OPCML: variants seen among roughly 807,000 people sequenced by gnomAD.
OPCML encodes opioid binding protein/cell adhesion molecule like.
OPCML carries 13 observed loss-of-function variants against 37.8 expected under a neutral mutation model. That is an observed-to-expected ratio of 0.34 (90% confidence interval 0.22 to 0.55). The LOEUF is 0.55. OPCML is among the 20% of genes least tolerant of loss of function. The probability of loss-of-function intolerance (pLI) is 0.91; values close to 1 mark genes in which losing one functional copy is unlikely to be tolerated. For missense variants in OPCML, 341 were observed against 435.6 expected (o/e 0.78, Z 1.93); for synonymous variants, 176 against 168.8 (o/e 1.04, Z -0.33).
At chr11:133,307,949 T>G in intron 1 of OPCML, among the ~76,000 whole-genome samples, 1 of 152,064 alleles carries the variant, frequency 6.6e-6, no homozygotes, top group Admixed American at 6.6e-5. Context: ...TTTTTTTAAG[T>G]CAATGAACAT....
chr11:133,051,465 C>T (rs1948130641), intron 1 of OPCML, among the ~76,000 whole-genome samples: 4 of 152,150 alleles, frequency 2.6e-5, no homozygotes, highest in Admixed American at 2.6e-4. Context: ...TCAGGGTACT[C>T]ACTACACTAT....
chr11:133,355,712 G>T (rs947558310), intron 1 of OPCML, among the ~76,000 whole-genome samples: 1 of 152,166 alleles, frequency 6.6e-6, no homozygotes, highest in Non-Finnish European at 1.5e-5. Context: ...TAATTCCAGT[G>T]GTTCAATCTG....
intron 1 of OPCML, among the ~76,000 whole-genome samples, chr11:133,183,352 C>T (rs1334448751): frequency 2.0e-5 from 3 of 152,186 alleles, no homozygotes; most frequent in African/African-American, 7.2e-5. Flanking sequence ...AGTTACATCT[C>T]ACTGGCTAGG....
At chr11:132,617,256 G>A (rs1219413897) in intron 3 of OPCML, among the ~76,000 whole-genome samples, 1 of 152,146 alleles carries the variant, frequency 6.6e-6, no homozygotes, top group Non-Finnish European at 1.5e-5. Context: ...AAAATCCAAG[G>A]AAGTATTTAT....
intron 1 of OPCML, among the ~76,000 whole-genome samples, chr11:133,485,876 A>C (rs371599651): frequency 2.0e-5 from 3 of 152,038 alleles, no homozygotes; most frequent in African/African-American, 7.2e-5. Context: ...TTCACAGTCT[A>C]CTTAGTGCCA....
At chr11:132,519,801 C>T (rs1475126570) in intron 4 of OPCML, among the ~76,000 whole-genome samples, 1 of 152,138 alleles carries the variant, frequency 6.6e-6, no homozygotes, top group Admixed American at 6.5e-5. Context: ...ATTAATTAGG[C>T]TCTAAACATG....
intron 2 of OPCML, among the ~76,000 whole-genome samples, chr11:132,715,250 A>T (rs1234799305): frequency 6.6e-6 from 1 of 152,218 alleles, no homozygotes; most frequent in East Asian, 1.9e-4. Context: ...TCATCTGTTC[A>T]ACACAGACTT....
At chr11:132,790,351 G>T (rs894486127) in intron 2 of OPCML, among the ~76,000 whole-genome samples, 1 of 152,154 alleles carries the variant, frequency 6.6e-6, no homozygotes, top group Non-Finnish European at 1.5e-5. Context: ...CAAAACAGGT[G>T]GAAGAAAAGA....
At chr11:132,892,758 A>G (rs997634948) in intron 2 of OPCML, among the ~76,000 whole-genome samples, 1 of 151,880 alleles carries the variant, frequency 6.6e-6, no homozygotes, top group Non-Finnish European at 1.5e-5. Flanking sequence ...CAAGAGCAAG[A>G]CTCCATCTCA....
Position 132,983,327 on chromosome 11 carries a change from C to T in OPCML, c.62-40317G>A, listed in dbSNP as rs1167899255. Among the ~76,000 whole-genome samples, 8 of 152,362 alleles carry T rather than the reference C, an allele frequency of 5.3e-5. No individual in the cohort carries two copies. The East Asian group carries it at 1.3e-3, about 26-fold the overall frequency. Reference sequence around the variant, plus strand: ...TAAATGCCTCTGGGATTGGTCCAGGCCTGGTGCCAACTCCATCAAGTTCTC... The same window carrying T: ...TAAATGCCTCTGGGATTGGTCCAGGTCTGGTGCCAACTCCATCAAGTTCTC... On this transcript the variant is annotated intron_variant, in intron 1 of 7. Coordinates refer to ENST00000524381, the MANE Select transcript of OPCML (RefSeq NM_001012393.5).
chr11:132,628,306 G>T lies in OPCML; in HGVS notation c.379+28781C>A, dbSNP rs554968363. ...TTTGGATAAAGAGGTTAGAAGAAAA[G>T]TATAATTGTAATGTTTGGAAACTGT... On this transcript the variant is annotated intron_variant, in intron 3 of 7. Transcript: ENST00000524381. Among the ~76,000 whole-genome samples the T allele has an allele frequency of 1.7e-4, 26 of 152,232 alleles. No homozygotes were observed. In the South Asian group the frequency reaches 5.2e-3, roughly 30 times the overall value.
At chr11:132,617,928 T>C (rs1939139751) in intron 3 of OPCML, among the ~76,000 whole-genome samples, 1 of 152,242 alleles carries the variant, frequency 6.6e-6, no homozygotes, top group South Asian at 2.1e-4. Context: ...CTTCAATGTA[T>C]GAATTTTGGG....
At chr11:132,522,335 A>G (rs537363903) in intron 4 of OPCML, among the ~76,000 whole-genome samples, 1 of 152,340 alleles carries the variant, frequency 6.6e-6, no homozygotes, top group African/African-American at 2.4e-5. Context: ...GTCAAGGAAT[A>G]AGAGACAAAG....
chr11:132,444,790 C>G (rs1012177959), intron 4 of OPCML, among the ~76,000 whole-genome samples: 8 of 152,182 alleles, frequency 5.3e-5, no homozygotes, highest in Non-Finnish European at 1.2e-4. Context: ...ACAAGCAACT[C>G]TGAGCCCGCC....
chr11:133,049,746 C>G (rs1001364361), intron 1 of OPCML, among the ~76,000 whole-genome samples: 5 of 152,194 alleles, frequency 3.3e-5, no homozygotes, highest in Admixed American at 1.3e-4. Flanking sequence ...GTTTCACTCC[C>G]GTGCTGTGCT....
chr11:132,905,696 G>A (rs1944216862), intron 2 of OPCML, among the ~76,000 whole-genome samples: 1 of 151,648 alleles, frequency 6.6e-6, no homozygotes, highest in African/African-American at 2.4e-5. Context: ...GGATAATCTA[G>A]TCACATAAAA....
chr11:133,238,414 GTTA>G (rs1940604954), intron 1 of OPCML, among the ~76,000 whole-genome samples: 1 of 152,204 alleles, frequency 6.6e-6, no homozygotes, highest in Admixed American at 6.5e-5. Flanking sequence ...TTGATTACTT[GTTA>G]TTACAATTAT....
chr11:133,119,651 G>A (rs917508851), intron 1 of OPCML, among the ~76,000 whole-genome samples: 4 of 152,128 alleles, frequency 2.6e-5, no homozygotes, highest in South Asian at 2.1e-4. Context: ...AGAGTCTTGC[G>A]GGACAATTTC....
At chr11:132,427,151 G>T (rs571315796) in intron 7 of OPCML, among the ~76,000 whole-genome samples, 2 of 151,256 alleles carry the variant, frequency 1.3e-5, no homozygotes, top group South Asian at 4.2e-4. Flanking sequence ...CACTAAAAAA[G>T]AAAAGAAAAA....
Sources: allele counts gnomAD v4.1 joint callset (sites outside exome capture counted in the v4.1 genomes callset), GRCh38; gene constraint gnomAD v4.1.1; transcripts MANE v1.5; gene names NCBI Gene and HGNC (gene_info 2026-07-23, HGNC 2026-07-21).